Variants in ERBB4 observed in about 807,000 individuals in gnomAD.
The protein encoded by ERBB4 is receptor tyrosine-protein kinase erbB-4.
A neutral mutation model predicts 158.0 loss-of-function variants in ERBB4; 42 were observed. The ratio of observed to expected loss-of-function variants is 0.27; its 90% confidence interval spans 0.21 to 0.34. The LOEUF is 0.34. Ranked by LOEUF, ERBB4 falls within the 10% of genes least tolerant of loss-of-function variation. The pLI, the probability that ERBB4 is intolerant of heterozygous loss-of-function variation, is 1.00. For synonymous variants in ERBB4, 583 were observed against 558.7 expected, an observed-to-expected ratio of 1.04 and a Z score of -0.61; for missense variants, 1,333 against 1,624.1, an observed-to-expected ratio of 0.82 and a Z score of 3.08.
At chr2:212,345,918 C>T (rs190953416) in intron 1 of ERBB4, among the ~76,000 whole-genome samples, 5 of 152,118 alleles carry the variant, frequency 3.3e-5, no homozygotes, top group Admixed American at 3.3e-4. Context: ...TATTTGAATT[C>T]TCCGAAAAAG....
chr2:211,662,430 G>C (rs1327648906), intron 15 of ERBB4, among the ~76,000 whole-genome samples: 1 of 152,130 alleles, frequency 6.6e-6, no homozygotes, highest in Admixed American at 6.5e-5. Flanking sequence ...AGAAGGGTCT[G>C]GTCTCTAACA....
At chr2:211,790,490 T>C (rs911391282) in intron 3 of ERBB4, among the ~76,000 whole-genome samples, 3 of 152,082 alleles carry the variant, frequency 2.0e-5, no homozygotes, top group Admixed American at 2.0e-4. Flanking sequence ...AATAATAGTC[T>C]TATCAAATCC....
intron 1 of ERBB4, among the ~76,000 whole-genome samples, chr2:212,360,131 G>A (rs1394402781): frequency 6.6e-6 from 1 of 151,650 alleles, no homozygotes; most frequent in African/African-American, 2.4e-5. Context: ...CCCTAACAAA[G>A]AACCTTTCTA....
At chr2:212,369,218 A>G (rs1361031000) in intron 1 of ERBB4, among the ~76,000 whole-genome samples, 1 of 152,206 alleles carries the variant, frequency 6.6e-6, no homozygotes, top group Admixed American at 6.5e-5. Flanking sequence ...TTGCATGATT[A>G]TATAAAAATA....
rs541698309 is a variant in ERBB4, at chr2:212,496,536, T to C, written c.82+41913A>G. Among the ~76,000 whole-genome samples, 15 of 152,242 alleles carry C rather than the reference T, an allele frequency of 9.9e-5. No individual in the cohort carries two copies. In the South Asian group the frequency reaches 3.1e-3, roughly 32 times the overall value. On this transcript the variant is annotated intron_variant, in intron 1 of 27. Coordinates refer to ENST00000342788, the MANE Select transcript of ERBB4 (RefSeq NM_005235.3). ...AACCCAAAATTCTGATGAACTAGAG[T>C]TCACAATAGTTATTTTTTAACCTTT...
chr2:211,770,171 A>G (rs897432012), intron 4 of ERBB4, among the ~76,000 whole-genome samples: 4 of 152,228 alleles, frequency 2.6e-5, no homozygotes, highest in African/African-American at 9.6e-5. Flanking sequence ...AAAATGTGGA[A>G]GATCACCAGA....
chr2:211,417,602 A>T (rs1021758680), intron 25 of ERBB4, among the ~76,000 whole-genome samples: 2 of 152,236 alleles, frequency 1.3e-5, no homozygotes, highest in African/African-American at 4.8e-5. Flanking sequence ...AAATATAAAC[A>T]TTGTATTTTG....
chr2:211,915,620 A>T (rs1403757323), intron 3 of ERBB4, among the ~76,000 whole-genome samples: 1 of 152,016 alleles, frequency 6.6e-6, no homozygotes, highest in Non-Finnish European at 1.5e-5. Flanking sequence ...ATGACACAAA[A>T]GGTCTTGGAA....
At chr2:211,478,801 A>G (rs2065016863) in intron 20 of ERBB4, among the ~76,000 whole-genome samples, 1 of 152,114 alleles carries the variant, frequency 6.6e-6, no homozygotes, top group South Asian at 2.1e-4. Flanking sequence ...TCTCAGATGT[A>G]CTAATGGTAA....
At chr2:211,980,105 G>C (rs1054597021) in intron 2 of ERBB4, among the ~76,000 whole-genome samples, 1 of 152,102 alleles carries the variant, frequency 6.6e-6, no homozygotes, top group South Asian at 2.1e-4. Context: ...AATTTGTATA[G>C]ACCTATTATT....
intron 3 of ERBB4, among the ~76,000 whole-genome samples, chr2:211,796,897 A>T (rs1219282015): frequency 6.6e-6 from 1 of 151,922 alleles, no homozygotes; most frequent in Non-Finnish European, 1.5e-5. Flanking sequence ...TTGTTAAGAG[A>T]TCTGGTTCAA....
chr2:211,632,388 T>C (rs541817646), intron 16 of ERBB4, among the ~76,000 whole-genome samples: 1 of 152,208 alleles, frequency 6.6e-6, no homozygotes, highest in South Asian at 2.1e-4. Flanking sequence ...GTCACTGTTA[T>C]TGAAAGGGTC....
chr2:211,857,177 T>G (rs71422762), intron 3 of ERBB4, among the ~76,000 whole-genome samples: 2,389 of 147,032 alleles, frequency 0.016, 64 homozygotes, highest in African/African-American at 0.056. Flanking sequence ...GTGTGTGTGT[T>G]TGTGTGTCTT....
chr2:211,693,090 T>C (rs745477267), intron 12 of ERBB4, among the ~76,000 whole-genome samples: 3 of 152,140 alleles, frequency 2.0e-5, no homozygotes, highest in Admixed American at 6.6e-5. Context: ...ATATCTCTGA[T>C]GTGAGTGGGA....
At chr2:211,734,728 G>C (rs1374413860) in intron 5 of ERBB4, among the ~76,000 whole-genome samples, 1 of 150,656 alleles carries the variant, frequency 6.6e-6, no homozygotes, top group African/African-American at 2.4e-5. Context: ...AGACCATCCT[G>C]GCTAACATGG....
At chr2:211,977,682 C>CA (rs2081653366) in intron 2 of ERBB4, among the ~76,000 whole-genome samples, 1 of 151,024 alleles carries the variant, frequency 6.6e-6, no homozygotes, top group South Asian at 2.1e-4. Context: ...ACTAAAAATA[C>CA]AAAAAATTAG....
intron 20 of ERBB4, among the ~76,000 whole-genome samples, chr2:211,548,782 A>T (rs2067006259): frequency 6.6e-6 from 1 of 152,118 alleles, no homozygotes; most frequent in Admixed American, 6.6e-5. Context: ...TTAGGGTTCC[A>T]TGAAGCCCTG....
intron 19 of ERBB4, among the ~76,000 whole-genome samples, chr2:211,570,674 G>A (rs983476972): frequency 2.0e-5 from 3 of 152,022 alleles, no homozygotes; most frequent in Non-Finnish European, 4.4e-5. Context: ...CACCTTCACT[G>A]TAACTACAAG....
At chr2:212,304,567 C>A (rs1273658546) in intron 1 of ERBB4, among the ~76,000 whole-genome samples, 1 of 151,288 alleles carries the variant, frequency 6.6e-6, no homozygotes, top group Middle Eastern at 3.2e-3. Flanking sequence ...CAGAAATTGC[C>A]CAAAATGTGC....
Sources: allele counts gnomAD v4.1 joint callset (sites outside exome capture counted in the v4.1 genomes callset), GRCh38; gene constraint gnomAD v4.1.1; transcripts MANE v1.5; gene names NCBI Gene and HGNC (gene_info 2026-07-23, HGNC 2026-07-21).